AHR: variants seen among roughly 807,000 people sequenced by gnomAD.
AHR encodes the protein aryl hydrocarbon receptor, also known as AH-receptor.
A neutral mutation model predicts 86.8 loss-of-function variants in AHR; 40 were observed. The observed-to-expected ratio is 0.46, with a 90% confidence interval of 0.36 to 0.60. The LOEUF (loss-of-function observed/expected upper bound fraction) is 0.60, where lower values mean the gene tolerates loss of function less well. Among genes scored for constraint, AHR ranks in the 20% least tolerant of loss-of-function variants. The probability of loss-of-function intolerance (pLI) is 0.00; values close to 1 mark genes in which losing one functional copy is unlikely to be tolerated. For missense variants in AHR, 1,001 were observed against 1,011.6 expected (o/e 0.99, Z 0.14); for synonymous variants, 398 against 354.9 (o/e 1.12, Z -1.37).
intron 2 of AHR, among the ~76,000 whole-genome samples, chr7:17,321,594 T>TACACACACACACACACACAC (rs71309046): frequency 6.8e-6 from 1 of 147,636 alleles, no homozygotes; most frequent in African/African-American, 2.5e-5. Flanking sequence ...ACCACACACA[T>TACACACACACACACACACAC]ACACACACAC....
At position 17,346,119 on chromosome 7, in the gene AHR, A is replaced by G. The variant is rs548088562; in HGVS notation, c.*3055A>G. 1.3e-5 allele frequency: 2 copies of G among 152,604 alleles called. No individual in the cohort carries two copies. Among genetic ancestry groups the G allele is most frequent in the South Asian group, 4.1e-4 (2 of 4,830 alleles). The allele number at this position is 152,604 out of a possible 1,614,324, so 9.5% of individuals were successfully genotyped here. A position where few individuals can be genotyped will look rare whatever the true frequency, so the allele number is the denominator to read the frequency against. On this transcript the variant is annotated 3_prime_UTR_variant, in exon 11 of 11. Coordinates refer to ENST00000242057, the MANE Select transcript of AHR (RefSeq NM_001621.5). ...ATCCTCATTATCAAAGTTGTATACA[A>G]TAATATATAATAAAATAACAAATAT...
intron 2 of AHR, among the ~76,000 whole-genome samples, chr7:17,317,584 T>G (rs1203008793): frequency 6.6e-6 from 1 of 152,162 alleles, no homozygotes; most frequent in Admixed American, 6.6e-5. Flanking sequence ...AGTTATTTCC[T>G]AAATCCTGAG....
At chr7:17,327,002 G>C (rs969664462) in intron 3 of AHR, among the ~76,000 whole-genome samples, 1 of 151,970 alleles carries the variant, frequency 6.6e-6, no homozygotes, top group Non-Finnish European at 1.5e-5. Flanking sequence ...TATTGGACTT[G>C]AATTATCCAG....
chr7:17,301,109 T>C (rs1003928225), intron 1 of AHR, among the ~76,000 whole-genome samples: 1 of 152,092 alleles, frequency 6.6e-6, no homozygotes, highest in Non-Finnish European at 1.5e-5. Context: ...ATTTTTTCCA[T>C]TCACCCACAT....
Position 17,339,483 on chromosome 7 carries a change from T to G in AHR, c.1658T>G (p.Ile553Ser). The change falls in exon 10 of 11, where the codon ATC (isoleucine) becomes AGC (serine). Residue 553 changes from isoleucine (I) to serine (S), a missense_variant. Around this residue, in one of 2 missense-constraint regions of AHR, gnomAD observed 607 missense variants for 543.1 expected, o/e 1.12. Transcript: ENST00000242057. ...MKNLGIDFED[I>S]RHMQNEKFFR... is the part of the protein sequence containing the mutation. Reference sequence around the variant, plus strand: ...AACCTAGGCATTGATTTTGAAGACATCAGACACATGCAGAATGAAAAATTT... The same window carrying G: ...AACCTAGGCATTGATTTTGAAGACAGCAGACACATGCAGAATGAAAAATTT... The G allele has an allele frequency of 6.2e-7, 1 of 1,614,118 alleles. No homozygotes were observed. The highest frequency in any genetic ancestry group is 8.5e-7 in the Non-Finnish European group (1 of 1,180,006).
intron 1 of AHR, among the ~76,000 whole-genome samples, chr7:17,308,438 G>A (rs1782027475): frequency 6.6e-6 from 1 of 152,000 alleles, no homozygotes; most frequent in South Asian, 2.1e-4. Flanking sequence ...GGCTGTACAG[G>A]ATGTGATGGA....
rs1453052885 is a variant in AHR, at chr7:17,335,801, T to C, written c.1160+15T>C. The C allele has an allele frequency of 6.2e-7, 1 of 1,604,974 alleles. No homozygotes were observed. Among genetic ancestry groups the C allele is most frequent in the African/African-American group, 1.3e-5 (1 of 74,370 alleles). On this transcript the variant is annotated intron_variant, in intron 9 of 10. Transcript: ENST00000242057. Reference sequence around the variant, plus strand: ...AGACCACTAACGTAAGCACAAATAATGTTTCCTGTTTTAACAGTTTTGTTT... The same window carrying C: ...AGACCACTAACGTAAGCACAAATAACGTTTCCTGTTTTAACAGTTTTGTTT...
At chr7:17,311,721 C>T (rs1158867711) in intron 2 of AHR, among the ~76,000 whole-genome samples, 1 of 152,114 alleles carries the variant, frequency 6.6e-6, no homozygotes, top group African/African-American at 2.4e-5. Context: ...TTTCAGTTGC[C>T]TCTATACCAA....
intron 2 of AHR, 94 bp downstream of exon 2, chr7:17,310,217 C>T: frequency 1.6e-6 from 2 of 1,217,192 alleles, no homozygotes; most frequent in South Asian, 4.0e-5. Flanking sequence ...CAAAAATTAG[C>T]CGTATTTGGA....
chr7:17,298,957 C>A lies in AHR; in HGVS notation c.-308C>A. 2 of 441,634 alleles carry A rather than the reference C, an allele frequency of 4.5e-6. No individual in the cohort carries two copies. Among genetic ancestry groups the A allele is most frequent in the Non-Finnish European group, 7.9e-6 (2 of 253,896 alleles). The allele number at this position is 441,634 out of a possible 1,614,324, so 27.4% of individuals were successfully genotyped here. A position where few individuals can be genotyped will look rare whatever the true frequency, so the allele number is the denominator to read the frequency against. ...CCGCCCGGGCCGCCTCACCTGCGGG[C>A]ATTGCCGCGCCGCCTCCGCCGGTGT... On this transcript the variant is annotated 5_prime_UTR_variant, in exon 1 of 11. Coordinates refer to ENST00000242057, the MANE Select transcript of AHR (RefSeq NM_001621.5).
intron 2 of AHR, among the ~76,000 whole-genome samples, chr7:17,316,487 G>A (rs939084278): frequency 5.3e-5 from 8 of 152,100 alleles, no homozygotes; most frequent in African/African-American, 1.9e-4. Context: ...GCTTGGTGGT[G>A]TACTTCTGTA....
intron 1 of AHR, among the ~76,000 whole-genome samples, chr7:17,306,475 C>G (rs1782007051): frequency 6.6e-6 from 1 of 152,124 alleles, no homozygotes; most frequent in Non-Finnish European, 1.5e-5. Flanking sequence ...CTTAATTCCT[C>G]TGTGTATTTG....
At chr7:17,330,988 C>A (rs1351855644) in intron 6 of AHR, 102 bp downstream of exon 6, 3 of 1,252,842 alleles carry the variant, frequency 2.4e-6, no homozygotes, top group Middle Eastern at 5.8e-4. Context: ...GAACTATTCC[C>A]AAATCAGGCA....
rs141416570 is a variant in AHR, at chr7:17,341,424, G to C, written c.2403+1196G>C. Among the ~76,000 whole-genome samples the C allele has an allele frequency of 2.5e-3, 379 of 152,222 alleles. 3 individuals are homozygous for C. Among genetic ancestry groups the C allele is most frequent in the African/African-American group, 8.9e-3 (368 of 41,554 alleles). On this transcript the variant is annotated intron_variant, in intron 10 of 10. Transcript: ENST00000242057. ...AGTTAATTCTGTAAAATTACATTTT[G>C]AATAAGGAGTTGCATGAGTACCACA...
At chr7:17,326,312 T>G (rs1215616497) in intron 3 of AHR, among the ~76,000 whole-genome samples, 1 of 152,166 alleles carries the variant, frequency 6.6e-6, no homozygotes, top group African/African-American at 2.4e-5. Flanking sequence ...GGAAAGTAAT[T>G]GGAGTGGAAA....
chr7:17,343,314 A>G lies in AHR; in HGVS notation c.*250A>G, dbSNP rs34185983. ...CACGGAGTGGTGAGGTACCGTCTACATTTCACATTATTCTGGGCACCACAA... is the reference window on the plus strand; with the variant it reads ...CACGGAGTGGTGAGGTACCGTCTACGTTTCACATTATTCTGGGCACCACAA... On this transcript the variant is annotated 3_prime_UTR_variant, in exon 11 of 11. Coordinates refer to ENST00000242057, the MANE Select transcript of AHR (RefSeq NM_001621.5). 39 of 469,126 alleles carry G rather than the reference A, an allele frequency of 8.3e-5. No homozygotes were observed. The highest frequency in any genetic ancestry group is 7.5e-4 in the African/African-American group (37 of 49,024). The allele number at this position is 469,126 out of a possible 1,614,324, so 29.1% of individuals were successfully genotyped here. A position where few individuals can be genotyped will look rare whatever the true frequency, so the allele number is the denominator to read the frequency against.
At chr7:17,302,130 A>T (rs1781960941) in intron 1 of AHR, among the ~76,000 whole-genome samples, 1 of 152,002 alleles carries the variant, frequency 6.6e-6, no homozygotes, top group South Asian at 2.1e-4. Context: ...ATCATAAAGA[A>T]AAAGTTGTAA....
intron 6 of AHR, 22 bp from the exon 7 acceptor site, chr7:17,333,890 T>C (rs1181261762): frequency 1.9e-6 from 3 of 1,597,528 alleles, no homozygotes; most frequent in Non-Finnish European, 1.7e-6. Flanking sequence ...ATGAACTTTT[T>C]TGTTGTTGTT....
chr7:17,316,621 G>A (rs184299043), intron 2 of AHR, among the ~76,000 whole-genome samples: 45 of 152,168 alleles, frequency 3.0e-4, no homozygotes, highest in Admixed American at 2.7e-3. Flanking sequence ...CACAAAAGAC[G>A]GAGACAAGTA....
Sources: gnomAD v4.1 joint callset for allele counts (sites outside exome capture counted in the v4.1 genomes callset) on GRCh38, gnomAD v4.1.1 for gene constraint, gnomAD v4.1.1 regional missense constraint, MANE v1.5 for transcripts, NCBI Gene and HGNC (gene_info 2026-07-23, HGNC 2026-07-21) for gene names.